Variants in NCKAP5 observed in about 807,000 individuals in gnomAD.
The protein encoded by NCKAP5 is NCK associated protein 5.
A neutral mutation model predicts 167.0 loss-of-function variants in NCKAP5; 92 were observed. The observed-to-expected ratio is 0.55, with a 90% CI of 0.47 to 0.66. NCKAP5 has a LOEUF of 0.66. NCKAP5 is among the 30% of genes least tolerant of loss of function. The probability of loss-of-function intolerance (pLI) is 0.00; values close to 1 mark genes in which losing one functional copy is unlikely to be tolerated. For missense variants in NCKAP5, 2,378 were observed against 2,315.0 expected, an observed-to-expected ratio of 1.03 and a Z score of -0.56; for synonymous variants, 891 against 877.4, an observed-to-expected ratio of 1.02 and a Z score of -0.27.
At chr2:132,754,126 T>C (rs892718877) in intron 16 of NCKAP5, among the ~76,000 whole-genome samples, 3 of 152,176 alleles carry the variant, frequency 2.0e-5, no homozygotes, top group Non-Finnish European at 2.9e-5. Context: ...TAACAGCTTT[T>C]GAGCAAGATA....
At chr2:132,798,017 C>G (rs1684740639) in intron 11 of NCKAP5, among the ~76,000 whole-genome samples, 1 of 149,862 alleles carries the variant, frequency 6.7e-6, no homozygotes, top group African/African-American at 2.5e-5. Context: ...AGTTCTCCTT[C>G]TCAGTGGACC....
At chr2:133,296,339 A>AT (rs1245412686) in intron 4 of NCKAP5, among the ~76,000 whole-genome samples, 1 of 150,938 alleles carries the variant, frequency 6.6e-6, no homozygotes, top group Non-Finnish European at 1.5e-5. Context: ...ATTCTCTAAC[A>AT]TCCCCACCCC....
At chr2:133,466,508 C>G (rs1692601587) in intron 3 of NCKAP5, among the ~76,000 whole-genome samples, 4 of 149,346 alleles carry the variant, frequency 2.7e-5, no homozygotes, top group Admixed American at 2.0e-4. Context: ...TTTTTGGTTC[C>G]ATATGAACTT....
chr2:132,734,039 C>A (rs1691281775), intron 16 of NCKAP5, among the ~76,000 whole-genome samples: 1 of 152,182 alleles, frequency 6.6e-6, no homozygotes, highest in African/African-American at 2.4e-5. Flanking sequence ...CATACAGACG[C>A]ACCAAGAGAA....
intron 3 of NCKAP5, among the ~76,000 whole-genome samples, chr2:133,333,320 G>T (rs1237608019): frequency 6.6e-6 from 1 of 152,162 alleles, no homozygotes; most frequent in African/African-American, 2.4e-5. Context: ...GTCTGAAGAG[G>T]TCATTAGTCA....
chr2:133,255,629 A>T (rs2088578023), intron 4 of NCKAP5, among the ~76,000 whole-genome samples: 1 of 152,184 alleles, frequency 6.6e-6, no homozygotes, highest in Non-Finnish European at 1.5e-5. Context: ...GTGGAATGAG[A>T]TACAAGATGT....
intron 8 of NCKAP5, among the ~76,000 whole-genome samples, chr2:132,925,859 A>T (rs1574653590): frequency 6.6e-6 from 1 of 152,206 alleles, no homozygotes; most frequent in Non-Finnish European, 1.5e-5. Context: ...TTTCCTGACC[A>T]CCAGGTGTTA....
chr2:133,074,702 T>C (rs909658664), intron 6 of NCKAP5, among the ~76,000 whole-genome samples: 3 of 152,072 alleles, frequency 2.0e-5, no homozygotes, highest in Admixed American at 2.0e-4. Context: ...ATCAATAAAA[T>C]CTGAACATTC....
intron 6 of NCKAP5, among the ~76,000 whole-genome samples, chr2:133,002,054 G>A (rs531837502): frequency 1.3e-5 from 2 of 152,264 alleles, no homozygotes; most frequent in South Asian, 2.1e-4. Flanking sequence ...AGAAAGCTGA[G>A]CATCCCCAGA....
chr2:133,056,919 T>C (rs1316594298), intron 6 of NCKAP5, among the ~76,000 whole-genome samples: 13 of 152,218 alleles, frequency 8.5e-5, no homozygotes, highest in Admixed American at 8.5e-4. Context: ...CAATGGTTTG[T>C]GGCAACTGCA....
intron 8 of NCKAP5, among the ~76,000 whole-genome samples, chr2:132,892,739 A>G (rs1238162719): frequency 6.6e-6 from 1 of 152,234 alleles, no homozygotes; most frequent in Non-Finnish European, 1.5e-5. Flanking sequence ...CATTTTACAG[A>G]TGAAGAAAAT....
chr2:133,403,185 C>T (rs573483352), intron 3 of NCKAP5, among the ~76,000 whole-genome samples: 35 of 152,178 alleles, frequency 2.3e-4, no homozygotes, highest in African/African-American at 7.7e-4. Flanking sequence ...TGCAAAAACT[C>T]TTTTTCAAGA....
At chr2:132,714,754 A>G (rs977059867) in intron 19 of NCKAP5, 1 of 398,508 alleles carries the variant, frequency 2.5e-6, no homozygotes, top group Non-Finnish European at 5.0e-6. Flanking sequence ...CAGAGGTTGC[A>G]GTGAGCCGAG....
intron 10 of NCKAP5, among the ~76,000 whole-genome samples, chr2:132,865,770 T>C (rs547709947): frequency 1.3e-5 from 2 of 152,250 alleles, no homozygotes; most frequent in South Asian, 4.1e-4. Context: ...GCAACAGCCA[T>C]AATTAAAGCA....
At chr2:133,070,248 C>G (rs2080343345) in intron 6 of NCKAP5, among the ~76,000 whole-genome samples, 1 of 152,050 alleles carries the variant, frequency 6.6e-6, no homozygotes, top group Admixed American at 6.5e-5. Flanking sequence ...AGGATAATTA[C>G]CCAGTAAGGA....
At position 133,325,167 on chromosome 2, in the gene NCKAP5, G is replaced by A. The variant is rs186871381; in HGVS notation, c.70-22057C>T. 6.1e-4 allele frequency among the ~76,000 whole-genome samples: 93 copies of A among 152,264 alleles called. No homozygotes were observed. The East Asian group carries it at 0.016, about 27-fold the overall frequency. Reference sequence around the variant, plus strand: ...TTCAATCTACCTGGGAGGGAGGAAGGCACTGGAATGCAGAACCATAGCTTT... The same window carrying A: ...TTCAATCTACCTGGGAGGGAGGAAGACACTGGAATGCAGAACCATAGCTTT... On this transcript the variant is annotated intron_variant, in intron 3 of 19. Transcript: ENST00000409261.
chr2:132,910,802 T>G (rs1694385429), intron 8 of NCKAP5, among the ~76,000 whole-genome samples: 2 of 152,316 alleles, frequency 1.3e-5, no homozygotes, highest in East Asian at 3.9e-4. Flanking sequence ...ATGTATAAGC[T>G]TTGGATTGGA....
chr2:133,197,591 AG>A (rs1159266582), intron 5 of NCKAP5, among the ~76,000 whole-genome samples: 3 of 152,154 alleles, frequency 2.0e-5, no homozygotes, highest in Non-Finnish European at 4.4e-5. Flanking sequence ...AAGATGACAC[AG>A]ATGTTGGTTT....
At chr2:133,092,024 C>T (rs1395934287) in intron 6 of NCKAP5, among the ~76,000 whole-genome samples, 1 of 152,296 alleles carries the variant, frequency 6.6e-6, no homozygotes, top group East Asian at 1.9e-4. Flanking sequence ...TCAATGGTCT[C>T]ATCACCCCAA....
Sources: allele counts gnomAD v4.1 joint callset (sites outside exome capture counted in the v4.1 genomes callset), GRCh38; gene constraint gnomAD v4.1.1; transcripts MANE v1.5; gene names NCBI Gene and HGNC (gene_info 2026-07-23, HGNC 2026-07-21).